NTNG1: variants seen among roughly 807,000 people sequenced by gnomAD.
NTNG1 encodes the protein netrin G1, also known as netrin-G1.
In NTNG1, 16 loss-of-function variants were observed where a neutral mutation model predicts 54.0. The ratio of observed to expected loss-of-function variants is 0.30; its 90% CI spans 0.20 to 0.45. NTNG1 has a LOEUF of 0.45. Ranked by LOEUF, NTNG1 falls within the 20% of genes least tolerant of loss-of-function variation. NTNG1 has a pLI of 1.00. For missense variants in NTNG1, 530 were observed against 678.7 expected, an observed-to-expected ratio of 0.78 and a Z score of 2.43; for synonymous variants, 255 against 263.1, an observed-to-expected ratio of 0.97 and a Z score of 0.30.
At chr1:107,241,584 A>G (rs927429102) in intron 2 of NTNG1, among the ~76,000 whole-genome samples, 2 of 152,192 alleles carry the variant, frequency 1.3e-5, no homozygotes, top group African/African-American at 2.4e-5. Context: ...CATGCATCCT[A>G]CAACCAGAAC....
intron 2 of NTNG1, among the ~76,000 whole-genome samples, chr1:107,284,246 T>G: frequency 6.6e-6 from 1 of 152,068 alleles, no homozygotes; most frequent in East Asian, 1.9e-4. Context: ...AAAGTAACTA[T>G]TATAGTGGCC....
At chr1:107,215,254 T>C (rs1278696855) in intron 2 of NTNG1, among the ~76,000 whole-genome samples, 2 of 152,202 alleles carry the variant, frequency 1.3e-5, no homozygotes, top group African/African-American at 2.4e-5. Context: ...AGAATTTGTA[T>C]GGTTTCAGGT....
chr1:107,408,971 A>C (rs1251302016), intron 5 of NTNG1: 1 of 152,164 alleles, frequency 6.6e-6, no homozygotes, highest in African/African-American at 2.4e-5. Context: ...ATAGGCCTGG[A>C]CACTGATTTG....
At chr1:107,368,549 C>T (rs1164244709) in intron 3 of NTNG1, among the ~76,000 whole-genome samples, 1 of 152,204 alleles carries the variant, frequency 6.6e-6, no homozygotes, top group East Asian at 1.9e-4. Flanking sequence ...CTGCCTCCTT[C>T]ATTAGAGCCA....
At chr1:107,466,219 AG>A (rs1294908709) in intron 7 of NTNG1, among the ~76,000 whole-genome samples, 1 of 152,208 alleles carries the variant, frequency 6.6e-6, no homozygotes, top group Non-Finnish European at 1.5e-5. Flanking sequence ...ACTCTTTGTG[AG>A]GAAGCCCCAT....
intron 2 of NTNG1, among the ~76,000 whole-genome samples, chr1:107,244,342 TAA>T (rs1398090236): frequency 6.6e-6 from 1 of 152,212 alleles, no homozygotes; most frequent in Non-Finnish European, 1.5e-5. Flanking sequence ...TCTGAAAAAG[TAA>T]AAAGTGTTGA....
chr1:107,208,376 G>A (rs1351916565), intron 2 of NTNG1, among the ~76,000 whole-genome samples: 6 of 146,568 alleles, frequency 4.1e-5, no homozygotes, highest in Admixed American at 2.1e-4. Context: ...GTTGCAGTGA[G>A]CCATGATCAC....
intron 3 of NTNG1, among the ~76,000 whole-genome samples, chr1:107,332,763 T>C (rs778965245): frequency 6.6e-6 from 1 of 152,066 alleles, no homozygotes; most frequent in Non-Finnish European, 1.5e-5. Flanking sequence ...TTGATTCTGT[T>C]GCAATATGGG....
At chr1:107,371,167 G>A (rs1468878370) in intron 3 of NTNG1, among the ~76,000 whole-genome samples, 1 of 152,052 alleles carries the variant, frequency 6.6e-6, no homozygotes, top group African/African-American at 2.4e-5. Context: ...GTTGTTATCA[G>A]AAATGGATGT....
chr1:107,268,667 G>A (rs1663924871), intron 2 of NTNG1, among the ~76,000 whole-genome samples: 1 of 152,012 alleles, frequency 6.6e-6, no homozygotes, highest in South Asian at 2.1e-4. Context: ...CTGAACTCCA[G>A]AGTTACTACC....
chr1:107,302,967 A>G (rs1178272080), intron 2 of NTNG1, among the ~76,000 whole-genome samples: 3 of 152,216 alleles, frequency 2.0e-5, no homozygotes, highest in Admixed American at 2.0e-4. Flanking sequence ...TTCGCCACTC[A>G]ATACGTAGTG....
At chr1:107,252,406 T>C (rs1391721874) in intron 2 of NTNG1, among the ~76,000 whole-genome samples, 3 of 152,210 alleles carry the variant, frequency 2.0e-5, no homozygotes, top group African/African-American at 7.2e-5. Flanking sequence ...GCAAGCTTAA[T>C]GTTTACTGAA....
intron 4 of NTNG1, among the ~76,000 whole-genome samples, chr1:107,401,732 G>A (rs1451888214): frequency 2.0e-5 from 3 of 151,310 alleles, no homozygotes. Context: ...AAAGTTCAGG[G>A]CCTGAAATAA....
chr1:107,444,591 A>G (rs903334540), intron 7 of NTNG1, among the ~76,000 whole-genome samples: 3 of 152,112 alleles, frequency 2.0e-5, no homozygotes, highest in Non-Finnish European at 2.9e-5. Flanking sequence ...AGGGGCCTCC[A>G]CTTTGACCTG....
At chr1:107,193,607 A>G (rs1010373223) in intron 2 of NTNG1, among the ~76,000 whole-genome samples, 2 of 152,002 alleles carry the variant, frequency 1.3e-5, no homozygotes, top group African/African-American at 4.8e-5. Context: ...TTTATGGGTG[A>G]GCAGATGTAG....
chr1:107,417,547 A>C (rs1235481628), intron 5 of NTNG1, among the ~76,000 whole-genome samples: 26 of 152,100 alleles, frequency 1.7e-4, no homozygotes, highest in Non-Finnish European at 3.8e-4. Flanking sequence ...TACAGAGATG[A>C]GAAATCGACC....
chr1:107,301,634 T>C lies in NTNG1; in HGVS notation c.247-22648T>C, dbSNP rs540823192. Among the ~76,000 whole-genome samples, 7 of 152,266 alleles carry C rather than the reference T, an allele frequency of 4.6e-5. No homozygotes were observed. In the East Asian group the frequency reaches 7.7e-4, roughly 17 times the overall value. On this transcript the variant is annotated intron_variant, in intron 2 of 7. Coordinates refer to ENST00000370068, the MANE Select transcript of NTNG1 (RefSeq NM_001113226.3). ...AAGGATGAGATAACAAAAGTAGAAATAGATGTTCCAGTTTTTTCCTCAACT... is the reference window on the plus strand; with the variant it reads ...AAGGATGAGATAACAAAAGTAGAAACAGATGTTCCAGTTTTTTCCTCAACT...
chr1:107,394,904 A>G (rs1161198824), intron 3 of NTNG1, among the ~76,000 whole-genome samples: 1 of 152,102 alleles, frequency 6.6e-6, no homozygotes, highest in Non-Finnish European at 1.5e-5. Flanking sequence ...TCAGGCCCCC[A>G]CTGACTTGAC....
intron 2 of NTNG1, among the ~76,000 whole-genome samples, chr1:107,172,441 C>T (rs553106352): frequency 1.4e-4 from 21 of 152,214 alleles, no homozygotes; most frequent in African/African-American, 5.1e-4. Context: ...TTTTCAAATG[C>T]GGAAGGTAGG....
Sources: gnomAD v4.1 joint callset for allele counts (sites outside exome capture counted in the v4.1 genomes callset) on GRCh38, gnomAD v4.1.1 for gene constraint, MANE v1.5 for transcripts, NCBI Gene and HGNC (gene_info 2026-07-23, HGNC 2026-07-21) for gene names.